Variants in GPNMB observed in about 807,000 individuals in gnomAD.
The protein encoded by GPNMB is glycoprotein nmb, also known as transmembrane glycoprotein NMB.
GPNMB carries 71 observed loss-of-function variants against 57.3 expected under a neutral mutation model. That is an observed-to-expected ratio of 1.24 (90% CI 1.02 to 1.51). The LOEUF (loss-of-function observed/expected upper bound fraction) is 1.51. GPNMB is among the 40% of genes most tolerant of loss of function. The probability of loss-of-function intolerance (pLI) is 0.00; values close to 1 mark genes in which losing one functional copy is unlikely to be tolerated. For missense variants in GPNMB, 677 were observed against 691.9 expected, an observed-to-expected ratio of 0.98 and a Z score of 0.24; for synonymous variants, 253 against 263.2, an observed-to-expected ratio of 0.96 and a Z score of 0.38.
chr7:23,263,037 T>G (rs542743084), intron 6 of GPNMB, among the ~76,000 whole-genome samples: 1 of 152,290 alleles, frequency 6.6e-6, no homozygotes, highest in African/African-American at 2.4e-5. Context: ...AGAAGCAATT[T>G]TTTTTATCTA....
At chr7:23,269,657 G>A (rs1430373754) in intron 8 of GPNMB, among the ~76,000 whole-genome samples, 3 of 152,162 alleles carry the variant, frequency 2.0e-5, no homozygotes, top group Non-Finnish European at 4.4e-5. Context: ...GATGTAGAAG[G>A]AATATAGAGG....
chr7:23,247,341 A>T, intron 1 of GPNMB: 1 of 230,734 alleles, frequency 4.3e-6, no homozygotes, highest in Non-Finnish European at 8.7e-6. Flanking sequence ...AGGCAAATTT[A>T]CGAATCTCCC....
rs112828318 is a variant in GPNMB at position 23,267,785 on chromosome 7, C to T, written c.1118-101C>T. The T allele has an allele frequency of 2.4e-4, 204 of 844,920 alleles. No homozygotes were observed. In the African/African-American group the frequency reaches 2.7e-3, roughly 11 times the overall value. The allele number at this position is 844,920 out of a possible 1,614,324, so 52.3% of individuals were successfully genotyped here. A position where few individuals can be genotyped will look rare whatever the true frequency, so the allele number is the denominator to read the frequency against. On this transcript the variant is annotated intron_variant, in intron 7 of 10. Coordinates refer to ENST00000258733, the MANE Select transcript of GPNMB (RefSeq NM_002510.3). Reference sequence around the variant, plus strand: ...CTTGGGGGTTTCAACATATGAATTTCGGAGGGACACAAACATTCAATCTAT... The same window carrying T: ...CTTGGGGGTTTCAACATATGAATTTTGGAGGGACACAAACATTCAATCTAT...
At chr7:23,267,571 G>A (rs913444105) in intron 7 of GPNMB, among the ~76,000 whole-genome samples, 6 of 152,148 alleles carry the variant, frequency 3.9e-5, no homozygotes, top group Non-Finnish European at 7.4e-5. Context: ...CAGCACATTC[G>A]GTGGCTGGTG....
rs146153901 is a variant in GPNMB at position 23,260,124 on chromosome 7, T to A, written c.686T>A (p.Val229Glu). 6.2e-7 allele frequency: 1 copy of A among 1,613,958 alleles called. No homozygotes were observed. The stretch of plus-strand genomic sequence containing the variant: ...GTTCCCATCGCACAAGTGAAAGATG[T>A]GTACGTGGTAACAGGTGAGTGGTGT... ...AYVPIAQVKD[V>E]YVVTDQIPVF... The change falls in exon 5 of 11, where the codon GTG becomes GAG. Residue 229 changes from valine to glutamate, a missense_variant. By Grantham distance (121) the Val-to-Glu change is moderately radical. Coordinates refer to ENST00000258733, the MANE Select transcript of GPNMB (RefSeq NM_002510.3).
intron 4 of GPNMB, among the ~76,000 whole-genome samples, chr7:23,259,712 A>G (rs1333237048): frequency 6.6e-6 from 1 of 152,204 alleles, no homozygotes; most frequent in East Asian, 1.9e-4. Context: ...ATTTATTTGT[A>G]AACTAAGGGC....
At chr7:23,255,514 G>GT (rs1268200530) in intron 3 of GPNMB, among the ~76,000 whole-genome samples, 1 of 152,128 alleles carries the variant, frequency 6.6e-6, no homozygotes, top group East Asian at 1.9e-4. Context: ...CTGCAACACA[G>GT]GAATACATAC....
intron 9 of GPNMB, among the ~76,000 whole-genome samples, chr7:23,272,896 T>G (rs1041864840): frequency 6.7e-6 from 1 of 150,314 alleles, no homozygotes; most frequent in African/African-American, 2.5e-5. Flanking sequence ...CAGGCTGCAG[T>G]GCAGTAGGGT....
At chr7:23,262,062 G>A (rs1782938598) in intron 6 of GPNMB, among the ~76,000 whole-genome samples, 2 of 152,036 alleles carry the variant, frequency 1.3e-5, no homozygotes, top group Non-Finnish European at 2.9e-5. Context: ...AGCCCACGAC[G>A]GTCCATCATG....
At chr7:23,267,127 G>A (rs906999077) in intron 7 of GPNMB, among the ~76,000 whole-genome samples, 2 of 152,208 alleles carry the variant, frequency 1.3e-5, no homozygotes. Flanking sequence ...GGATGGAGGT[G>A]GAAGCCCAAG....
chr7:23,256,779 A>G lies in GPNMB; in HGVS notation c.368-113A>G, dbSNP rs1036938772. On this transcript the variant is annotated intron_variant, in intron 3 of 10. Transcript: ENST00000258733. ...ATATTAAGTGTTTAGTTGTCTAACT[A>G]CTTTTAAACTAGTTATGAAAAAAAT... 28 of 760,504 alleles carry G rather than the reference A, an allele frequency of 3.7e-5. No individual in the cohort carries two copies. In the Admixed American group the frequency reaches 6.6e-4, roughly 18 times the overall value. 47.1% of individuals were successfully genotyped at this position (760,504 alleles called of 1,614,324 possible). A position where few individuals can be genotyped will look rare whatever the true frequency, so the allele number is the denominator to read the frequency against.
chr7:23,251,749 T>C (rs941354214), intron 1 of GPNMB, among the ~76,000 whole-genome samples: 3 of 152,206 alleles, frequency 2.0e-5, no homozygotes, highest in Non-Finnish European at 4.4e-5. Context: ...GGAAAACCTT[T>C]CTCAGAAGTT....
At chr7:23,258,515 T>C (rs1782835387) in intron 4 of GPNMB, among the ~76,000 whole-genome samples, 1 of 152,246 alleles carries the variant, frequency 6.6e-6, no homozygotes, top group African/African-American at 2.4e-5. Flanking sequence ...TTATGTTCAC[T>C]AACACTCGCC....
At chr7:23,273,927 A>T (rs575469676) in intron 10 of GPNMB, 138 bp from the exon 11 acceptor site, 1 of 644,532 alleles carries the variant, frequency 1.6e-6, no homozygotes, top group African/African-American at 1.8e-5. Flanking sequence ...TACTTTCATA[A>T]GACACCAGTG....
chr7:23,254,025 A>G, intron 2 of GPNMB, 144 bp from the exon 3 acceptor site: 1 of 536,764 alleles, frequency 1.9e-6, no homozygotes, highest in Non-Finnish European at 3.0e-6. Context: ...TGAAAGCTAA[A>G]GTGAGGAATA....
chr7:23,254,168 G>T lies in GPNMB; in HGVS notation c.224-1G>T. 1 of 1,611,476 alleles carries T rather than the reference G, an allele frequency of 6.2e-7. No homozygotes were observed. Among genetic ancestry groups the T allele is most frequent in the African/African-American group, 1.3e-5 (1 of 74,912 alleles). On this transcript the variant is annotated splice_acceptor_variant, in intron 2 of 10. Coordinates refer to ENST00000258733, the MANE Select transcript of GPNMB (RefSeq NM_002510.3). LOFTEE classifies it high-confidence loss of function. The stretch of plus-strand genomic sequence containing the variant: ...TCGAGCCCCACTTTTTTATACCCTA[G>T]GAGGCCGTGTGCAGGCGGTCCTGAC...
Position 23,274,147 on chromosome 7 carries a change from G to A in GPNMB, c.1606G>A (p.Ala536Thr). 1 of 1,613,684 alleles carries A rather than the reference G, an allele frequency of 6.2e-7. No individual in the cohort carries two copies. The highest frequency in any genetic ancestry group is 1.1e-5 in the South Asian group (1 of 91,078). Reference protein sequence around the residue: ...SKGLSVFLNRAKAVFFPGNQE... With the variant: ...SKGLSVFLNRTKAVFFPGNQE... ...AGGCCTGAGTGTCTTTCTCAACCGT[G>A]CAAAAGCCGTGTTCTTCCCGGGAAA... Residue 536 changes from alanine (A) to threonine (T), a missense_variant, in exon 11 of 11, where the codon GCA becomes ACA. Coordinates refer to ENST00000258733, the MANE Select transcript of GPNMB (RefSeq NM_002510.3).
chr7:23,271,906 A>G (rs1783216771), intron 9 of GPNMB, among the ~76,000 whole-genome samples: 1 of 152,238 alleles, frequency 6.6e-6, no homozygotes, highest in South Asian at 2.1e-4. Context: ...AAAAGAAAAT[A>G]ATCATACATC....
chr7:23,269,840 T>G, intron 8 of GPNMB, 127 bp from the exon 9 acceptor site: 1 of 706,568 alleles, frequency 1.4e-6, no homozygotes, highest in Non-Finnish European at 2.5e-6. Context: ...TCTTATAGTT[T>G]GAGTAACAAT....
Sources: allele counts gnomAD v4.1 joint callset (sites outside exome capture counted in the v4.1 genomes callset), GRCh38; gene constraint gnomAD v4.1.1; transcripts MANE v1.5; gene names NCBI Gene and HGNC (gene_info 2026-07-23, HGNC 2026-07-21).